Variants in PSG6 observed in about 807,000 individuals in gnomAD.
The protein encoded by PSG6 is pregnancy-specific beta-1-glycoprotein 6.
PSG6 carries 51 observed loss-of-function variants against 43.3 expected under a neutral mutation model. That is an observed-to-expected ratio of 1.18 (90% CI 0.94 to 1.49). PSG6 has a LOEUF of 1.49. Among genes scored for constraint, PSG6 ranks in the 40% most tolerant of loss-of-function variants. PSG6 has a pLI of 0.00. For synonymous variants in PSG6, 292 were observed against 197.6 expected (o/e 1.48, Z -4.01); for missense variants, 770 against 522.2 (o/e 1.47, Z -4.62).
intron 1 of PSG6, among the ~76,000 whole-genome samples, chr19:42,916,809 G>C (rs1972345536): frequency 1.3e-5 from 2 of 151,316 alleles, no homozygotes; most frequent in South Asian, 4.3e-4. Flanking sequence ...GCTCACATCA[G>C]GGCATCCTTA....
chr19:42,914,854 C>T (rs534699786), intron 2 of PSG6, among the ~76,000 whole-genome samples: 8 of 136,078 alleles, frequency 5.9e-5, no homozygotes, highest in East Asian at 4.4e-4. Context: ...CCTCTCATGA[C>T]GGTGACATGG....
intron 2 of PSG6, among the ~76,000 whole-genome samples, chr19:42,911,245 C>A (rs1972219221): frequency 1.3e-5 from 2 of 151,432 alleles, no homozygotes. Context: ...TCACTTTGCC[C>A]CCTGAGGTAT....
intron 2 of PSG6, among the ~76,000 whole-genome samples, chr19:42,914,317 A>T (rs1216929735): frequency 2.0e-5 from 3 of 151,374 alleles, no homozygotes; most frequent in East Asian, 1.9e-4. Context: ...GGAAGGGAAC[A>T]GAACAGCCAG....
At chr19:42,917,065 T>G (rs1311291933) in intron 1 of PSG6, among the ~76,000 whole-genome samples, 2 of 136,944 alleles carry the variant, frequency 1.5e-5, no homozygotes, top group African/African-American at 5.8e-5. Flanking sequence ...GGGCCCTCCA[T>G]GCCCTGGGTG....
chr19:42,916,608 A>T, intron 1 of PSG6, 121 bp from the exon 2 acceptor site: 3 of 1,368,256 alleles, frequency 2.2e-6, no homozygotes, highest in Non-Finnish European at 3.0e-6. Context: ...ACACACACAC[A>T]TACAAACACA....
chr19:42,908,932 C>A (rs567218878), intron 3 of PSG6, among the ~76,000 whole-genome samples: 2 of 151,510 alleles, frequency 1.3e-5, no homozygotes, highest in Non-Finnish European at 2.9e-5. Context: ...CATGGGTGTG[C>A]AGTTTCAGTT....
rs1299650004 is a variant in PSG6 at position 42,907,775 on chromosome 19, T to C, written c.786A>G (p.Glu262=). The change falls in exon 4 of 6, where the codon GAA becomes GAG. Residue 262 remains glutamate (E), a synonymous_variant. Transcript: ENST00000187910. ...EKKDVLAFTC[E]PKSRNYTYIW... ...TGTAGGTGTAGTTCCGACTCTTAGG[T>C]TCACAGGTGAAGGCTAACACATCCT... 6.2e-7 allele frequency: 1 copy of C among 1,610,992 alleles called. No individual in the cohort carries two copies. The highest frequency in any genetic ancestry group is 1.1e-5 in the South Asian group (1 of 90,754).
intron 2 of PSG6, among the ~76,000 whole-genome samples, chr19:42,913,769 C>G (rs1168484827): frequency 1.3e-5 from 2 of 151,660 alleles, no homozygotes; most frequent in Non-Finnish European, 2.9e-5. Flanking sequence ...ATACCTATGC[C>G]TAATGGCTCA....
intron 2 of PSG6, chr19:42,915,359 C>T (rs1972305292): frequency 1.3e-5 from 2 of 152,004 alleles, no homozygotes; most frequent in Non-Finnish European, 2.9e-5. Flanking sequence ...TAATTTGCTT[C>T]CATGAGAAAG....
chr19:42,907,790 T>C lies in PSG6; in HGVS notation c.771A>G (p.Leu257=). The change falls in exon 4 of 6, where the codon TTA becomes TTG. Residue 257 remains leucine (L), a synonymous_variant. Coordinates refer to ENST00000187910, the MANE Select transcript of PSG6 (RefSeq NM_001031850.4). ...GACTCTTAGGTTCACAGGTGAAGGC[T>C]AACACATCCTTCTTCTCCCTGGGGT... ...NLNPREKKDV[L]AFTCEPKSRN... 6.2e-7 allele frequency: 1 copy of C among 1,611,292 alleles called. No individual in the cohort carries two copies. The highest frequency in any genetic ancestry group is 2.2e-5 in the East Asian group (1 of 44,798).
intron 2 of PSG6, among the ~76,000 whole-genome samples, chr19:42,914,788 G>T (rs375789863): frequency 3.3e-5 from 5 of 151,698 alleles, no homozygotes; most frequent in African/African-American, 9.7e-5. Context: ...TCTCTCACTG[G>T]GCCTGTGCTG....
At chr19:42,916,613 A>G in intron 1 of PSG6, 126 bp from the exon 2 acceptor site, 1 of 1,333,860 alleles carries the variant, frequency 7.5e-7, no homozygotes, top group South Asian at 1.4e-5. Flanking sequence ...CACACATACA[A>G]ACACACACAC....
chr19:42,906,755 G>C, intron 5 of PSG6, 167 bp downstream of exon 5: 1 of 1,565,958 alleles, frequency 6.4e-7, no homozygotes, highest in Non-Finnish European at 8.7e-7. Flanking sequence ...AAAACAAGCA[G>C]AAGAGAGTCT....
intron 1 of PSG6, among the ~76,000 whole-genome samples, chr19:42,916,967 G>T (rs1972348397): frequency 6.6e-6 from 1 of 151,456 alleles, no homozygotes; most frequent in Admixed American, 6.6e-5. Context: ...GAGAGTGTGA[G>T]CTCTGTGAGG....
chr19:42,903,119 G>C (rs1254525227), intron 5 of PSG6, among the ~76,000 whole-genome samples: 9 of 151,550 alleles, frequency 5.9e-5, no homozygotes, highest in Admixed American at 5.3e-4. Context: ...TCTGAGATTT[G>C]ATTCTAGGAC....
Position 42,916,205 on chromosome 19 carries a change from G to C in PSG6, c.347C>G (p.Ala116Gly), listed in dbSNP as rs200239283. Residue 116 changes from alanine (A) to glycine (G), a missense_variant, in exon 2 of 6, where the codon GCA (alanine) becomes GGA (glycine). Coordinates refer to ENST00000187910, the MANE Select transcript of PSG6 (RefSeq NM_001031850.4). ...LLIQNVTQEDAGSYTLHIIKR... is the reference protein window; with the variant it reads ...LLIQNVTQEDGGSYTLHIIKR... The stretch of plus-strand genomic sequence containing the variant: ...TATGATGTGTAAGGTGTAGGATCCT[G>C]CATCCTCCTGTGTGACATTCTGGAT... 2.0e-5 allele frequency: 33 copies of C among 1,612,070 alleles called. 1 individual carries two copies. In the African/African-American group the frequency reaches 2.7e-4, roughly 13 times the overall value.
At chr19:42,911,981 G>T (rs1972235682) in intron 2 of PSG6, among the ~76,000 whole-genome samples, 2 of 151,684 alleles carry the variant, frequency 1.3e-5, no homozygotes, top group South Asian at 2.1e-4. Flanking sequence ...CTCCTGTGCA[G>T]CCTCGTGCCT....
rs752944491 is a variant in PSG6, at chr19:42,906,952, T to C, written c.1210A>G (p.Ile404Val). The change falls in exon 5 of 6, where the codon ATC (isoleucine) becomes GTC (valine). Residue 404 changes from isoleucine to valine, a missense_variant. Transcript: ENST00000187910. The stretch of plus-strand genomic sequence containing the variant: ...ACTTTGACTATCATGGATTTGGAGA[T>C]TTCCTTGCCAGTGGCTGAGTTACGA... ...SVRNSATGKE[I>V]SKSMIVKVSG... The C allele has an allele frequency of 1.9e-6, 3 of 1,612,334 alleles. No homozygotes were observed. The highest frequency in any genetic ancestry group is 2.5e-6 in the Non-Finnish European group (3 of 1,179,090).
chr19:42,916,796 C>T (rs1972345314), intron 1 of PSG6, among the ~76,000 whole-genome samples: 3 of 151,374 alleles, frequency 2.0e-5, no homozygotes, highest in African/African-American at 7.3e-5. Context: ...GCCCTCAGGT[C>T]CTGCTCACAT....
Sources: allele counts gnomAD v4.1 joint callset (sites outside exome capture counted in the v4.1 genomes callset), GRCh38; gene constraint gnomAD v4.1.1; transcripts MANE v1.5; gene names NCBI Gene and HGNC (gene_info 2026-07-23, HGNC 2026-07-21).